Variants in NRCAM observed in about 807,000 individuals in gnomAD.
The protein encoded by NRCAM is neuronal cell adhesion molecule.
NRCAM carries 83 observed loss-of-function variants against 156.5 expected under a neutral mutation model. The ratio of observed to expected loss-of-function variants is 0.53; its 90% confidence interval spans 0.44 to 0.64. The LOEUF (loss-of-function observed/expected upper bound fraction) is 0.64. NRCAM is among the 30% of genes least tolerant of loss of function. The probability of loss-of-function intolerance (pLI) is 0.00; values close to 1 mark genes in which losing one functional copy is unlikely to be tolerated. For synonymous variants in NRCAM, 538 were observed against 563.9 expected (o/e 0.95, Z 0.65); for missense variants, 1,417 against 1,597.3 (o/e 0.89, Z 1.92).
At chr7:108,331,298 G>A (rs957812729) in intron 2 of NRCAM, among the ~76,000 whole-genome samples, 1 of 152,044 alleles carries the variant, frequency 6.6e-6, no homozygotes, top group South Asian at 2.1e-4. Flanking sequence ...TTACTCAGGA[G>A]GCTGAGGTAG....
At chr7:108,432,134 A>G (rs1826032812) in intron 1 of NRCAM, among the ~76,000 whole-genome samples, 1 of 152,208 alleles carries the variant, frequency 6.6e-6, no homozygotes, top group African/African-American at 2.4e-5. Context: ...TTTTGCATGG[A>G]TTGTCCTTAC....
intron 1 of NRCAM, among the ~76,000 whole-genome samples, chr7:108,407,657 G>C (rs975584322): frequency 1.3e-5 from 2 of 152,194 alleles, no homozygotes; most frequent in Admixed American, 6.5e-5. Context: ...AGAACAGCTA[G>C]AAGTTATGTG....
intron 2 of NRCAM, among the ~76,000 whole-genome samples, chr7:108,358,601 C>T (rs1000486976): frequency 6.6e-6 from 1 of 152,132 alleles, no homozygotes; most frequent in Non-Finnish European, 1.5e-5. Flanking sequence ...CACAGAGCTC[C>T]TCCTGAAAGC....
intron 32 of NRCAM, among the ~76,000 whole-genome samples, chr7:108,151,347 G>GT (rs2041497140): frequency 6.6e-6 from 1 of 151,682 alleles, no homozygotes; most frequent in South Asian, 2.1e-4. Context: ...CATACAAAAG[G>GT]TATCACTGGC....
chr7:108,319,710 G>A (rs923092288), intron 2 of NRCAM, among the ~76,000 whole-genome samples: 2 of 152,202 alleles, frequency 1.3e-5, no homozygotes, highest in African/African-American at 4.8e-5. Flanking sequence ...AGGAAATGAT[G>A]ACTGAGCTGA....
chr7:108,214,065 G>T lies in NRCAM; in HGVS notation c.891-4460C>A, dbSNP rs148203594. On this transcript the variant is annotated intron_variant, in intron 11 of 32. Coordinates refer to ENST00000379028, the MANE Select transcript of NRCAM (RefSeq NM_001037132.4). ...TATTGGCCTGAAATTTTCTACTTTC[G>T]TTGTGTCTCTGCCAGGTTTTGGTAT... Among the ~76,000 whole-genome samples, 528 of 152,228 alleles carry T rather than the reference G, an allele frequency of 3.5e-3. 4 individuals are homozygous for T. Among genetic ancestry groups the T allele is most frequent in the African/African-American group, 0.012 (492 of 41,530 alleles).
chr7:108,298,933 C>G (rs2098512501), intron 3 of NRCAM, among the ~76,000 whole-genome samples: 1 of 149,684 alleles, frequency 6.7e-6, no homozygotes, highest in Non-Finnish European at 1.5e-5. Flanking sequence ...TGGTGAAACC[C>G]TGTCTCTACT....
intron 3 of NRCAM, among the ~76,000 whole-genome samples, chr7:108,259,182 AC>A (rs1421148502): frequency 6.6e-6 from 1 of 152,212 alleles, no homozygotes; most frequent in Non-Finnish European, 1.5e-5. Context: ...GAACTCGTGT[AC>A]TTTTATAAGC....
chr7:108,319,835 G>A (rs970586043), intron 2 of NRCAM, among the ~76,000 whole-genome samples: 2 of 152,228 alleles, frequency 1.3e-5, no homozygotes, highest in Non-Finnish European at 2.9e-5. Context: ...CAGGTCTGAT[G>A]AGGCTGACAA....
chr7:108,407,058 A>G (rs2099809398), intron 1 of NRCAM, among the ~76,000 whole-genome samples: 1 of 152,236 alleles, frequency 6.6e-6, no homozygotes, highest in African/African-American at 2.4e-5. Context: ...AATTTTTAAA[A>G]GAAATTTAAA....
rs1027019347 is a variant in NRCAM, at chr7:108,191,278, T to A, written c.1909A>T (p.Thr637Ser). 23 of 1,603,016 alleles carry A rather than the reference T, an allele frequency of 1.4e-5. No individual in the cohort carries two copies. Among genetic ancestry groups the A allele is most frequent in the Non-Finnish European group, 2.0e-5 (23 of 1,173,810 alleles). Reference protein sequence around the residue: ...ASAVLSVVAPTPTPAPVYDVP... With the variant: ...ASAVLSVVAPSPTPAPVYDVP... ...CCGTAAACGGGAGCTGGAGTTGGAG[T>A]AGGAGCTAGAAAGGACATTAATATA... The change falls in exon 19 of 33, where the codon ACT becomes TCT. Residue 637 changes from threonine (T) to serine (S), a missense_variant. Coordinates refer to ENST00000379028, the MANE Select transcript of NRCAM (RefSeq NM_001037132.4).
intron 2 of NRCAM, among the ~76,000 whole-genome samples, chr7:108,342,044 C>A (rs1257040788): frequency 6.6e-6 from 1 of 152,306 alleles, no homozygotes; most frequent in South Asian, 2.1e-4. Context: ...TCCTTCGAAC[C>A]CAACGTCTCA....
chr7:108,379,487 G>A (rs1379676817), intron 2 of NRCAM, among the ~76,000 whole-genome samples: 1 of 152,118 alleles, frequency 6.6e-6, no homozygotes, highest in East Asian at 1.9e-4. Context: ...TTTGTTTAAT[G>A]GGTCTAGCAT....
intron 2 of NRCAM, among the ~76,000 whole-genome samples, chr7:108,338,053 T>C (rs1387506046): frequency 1.3e-5 from 2 of 152,194 alleles, no homozygotes; most frequent in Non-Finnish European, 2.9e-5. Context: ...GTTGGGAATG[T>C]TGGTCTGCCT....
At chr7:108,314,270 G>T (rs2098847711) in intron 2 of NRCAM, among the ~76,000 whole-genome samples, 1 of 152,126 alleles carries the variant, frequency 6.6e-6, no homozygotes, top group Admixed American at 6.6e-5. Context: ...TCTAGGAAAT[G>T]ACTTTTTGTT....
chr7:108,452,050 T>A (rs910763203), intron 1 of NRCAM, among the ~76,000 whole-genome samples: 3 of 152,198 alleles, frequency 2.0e-5, no homozygotes, highest in African/African-American at 7.2e-5. Flanking sequence ...TAATGAAGGA[T>A]TTACAGTTGC....
intron 32 of NRCAM, among the ~76,000 whole-genome samples, chr7:108,158,709 A>C (rs2046990783): frequency 6.6e-6 from 1 of 152,184 alleles, no homozygotes; most frequent in Admixed American, 6.5e-5. Context: ...TTAAAAAGGT[A>C]TACTTTTAGA....
chr7:108,399,709 T>C (rs2099786471), intron 1 of NRCAM, 116 bp from the exon 2 acceptor site: 1 of 152,208 alleles, frequency 6.6e-6, no homozygotes, highest in Non-Finnish European at 1.5e-5. Context: ...TTACTATATA[T>C]CAAATTCCAT....
rs545196998 is a variant in NRCAM, at chr7:108,301,594, G to A, written c.-107+11071C>T. Among the ~76,000 whole-genome samples the A allele has an allele frequency of 1.1e-4, 16 of 152,244 alleles. No individual in the cohort carries two copies. The East Asian group carries it at 1.5e-3, about 15-fold the overall frequency. On this transcript the variant is annotated intron_variant, in intron 3 of 32. Transcript: ENST00000379028. Reference sequence around the variant, plus strand: ...AAAAATTTTTAAAGTGCCAACTCAGGTGTTTCAGATTTTTTTTCTTTTGCT... The same window carrying A: ...AAAAATTTTTAAAGTGCCAACTCAGATGTTTCAGATTTTTTTTCTTTTGCT...
Sources: allele counts gnomAD v4.1 joint callset (sites outside exome capture counted in the v4.1 genomes callset), GRCh38; gene constraint gnomAD v4.1.1; transcripts MANE v1.5; gene names NCBI Gene and HGNC (gene_info 2026-07-23, HGNC 2026-07-21).